The following BRD1 variants were observed in gnomAD, a reference collection of about 807,000 sequenced individuals.
BRD1 encodes bromodomain containing 1.
BRD1 carries 24 observed loss-of-function variants against 107.7 expected under a neutral mutation model. The observed-to-expected ratio is 0.22, with a 90% CI of 0.16 to 0.31. The LOEUF is 0.31. Ranked by LOEUF, BRD1 falls within the 10% of genes least tolerant of loss-of-function variation. The pLI is 1.00. For synonymous variants in BRD1, 744 were observed against 686.1 expected (o/e 1.08, Z -1.32); for missense variants, 1,279 against 1,638.6 (o/e 0.78, Z 3.79).
chr22:49,814,378 G>C (rs1245398409), intron 2 of BRD1, among the ~76,000 whole-genome samples: 1 of 152,140 alleles, frequency 6.6e-6, no homozygotes, highest in Non-Finnish European at 1.5e-5. Context: ...CATCGCTCAG[G>C]AAACACATGA....
intron 6 of BRD1, among the ~76,000 whole-genome samples, chr22:49,796,787 G>A (rs2059540733): frequency 6.6e-6 from 1 of 152,230 alleles, no homozygotes; most frequent in African/African-American, 2.4e-5. Context: ...AAGCAACGAT[G>A]GCCCAGCTTG....
At position 49,775,698 on chromosome 22, in the gene BRD1, G is replaced by C. The variant is rs144134015; in HGVS notation, c.3279C>G (p.Val1093=). ...MPRVPGHHNG[V]TIPAPPLDVL... ...CGTCCAGGGGTGGGGCCGGGATGGTGACGCCGTTGTGGTGGCCAGGCACAC... is the reference window on the plus strand; with the variant it reads ...CGTCCAGGGGTGGGGCCGGGATGGTCACGCCGTTGTGGTGGCCAGGCACAC... The change falls in exon 12 of 13, where the codon GTC becomes GTG. Residue 1093 remains valine, a synonymous_variant. Coordinates refer to ENST00000404760, the MANE Select transcript of BRD1 (RefSeq NM_001304808.3). The C allele has an allele frequency of 3.2e-4, 513 of 1,613,750 alleles. 2 individuals are homozygous for C. The African/African-American group carries it at 5.5e-3, about 17-fold the overall frequency.
rs745892251 is a variant in BRD1 at position 49,823,519 on chromosome 22, G to A, written c.799C>T (p.Arg267Trp). 8.9e-5 allele frequency: 142 copies of A among 1,601,342 alleles called. 1 individual carries two copies. Among genetic ancestry groups the A allele is most frequent in the South Asian group, 1.3e-4 (12 of 90,878 alleles). The change falls in exon 2 of 13, where the codon CGG becomes TGG. Residue 267 changes from arginine (R) to tryptophan (W), a missense_variant. By Grantham distance (101) the Arg-to-Trp change is moderately radical. Around this residue, in one of 7 missense-constraint regions of BRD1, gnomAD observed 158 missense variants for 310.2 expected, o/e 0.51. Transcript: ENST00000404760. ...LCRHCLQSRARPADCVLCPNK... is the reference protein window; with the variant it reads ...LCRHCLQSRAWPADCVLCPNK... ...GGGCACAGCACACAGTCGGCGGGCC[G>A]GGCCCGCGACTGCAGGCAGTGGCGG...
intron 6 of BRD1, among the ~76,000 whole-genome samples, chr22:49,797,337 C>T (rs1174750955): frequency 2.6e-5 from 4 of 152,230 alleles, no homozygotes; most frequent in Non-Finnish European, 4.4e-5. Flanking sequence ...TCCGGCTTCA[C>T]GCCACCCTCA....
chr22:49,810,244 C>T lies in BRD1; in HGVS notation c.1368-5884G>A, dbSNP rs867613676. On this transcript the variant is annotated intron_variant, in intron 2 of 12. Coordinates refer to ENST00000404760, the MANE Select transcript of BRD1 (RefSeq NM_001304808.3). ...CATATATAGGAAAACAGTGGCCAGA[C>T]GCGGTGACTCACACTTGTAATCCCA... is the stretch of plus-strand genomic sequence containing the variant. 4.6e-5 allele frequency among the ~76,000 whole-genome samples: 7 copies of T among 152,256 alleles called. No homozygotes were observed. In the South Asian group the frequency reaches 1.0e-3, roughly 23 times the overall value.
In BRD1 at chr22:49,798,498, C is replaced by T. The variant is rs1265989892; in HGVS notation, c.1785+60G>A. On this transcript the variant is annotated intron_variant, in intron 5 of 12. Coordinates refer to ENST00000404760, the MANE Select transcript of BRD1 (RefSeq NM_001304808.3). ...GCCAATCACACGTTTCCCGGTCAAA[C>T]GGCAGCACAAATCCACAGTCACACA... The T allele has an allele frequency of 4.3e-6, 7 of 1,613,440 alleles. No individual in the cohort carries two copies. In the East Asian group the frequency reaches 6.7e-5, roughly 15 times the overall value.
At chr22:49,778,322 A>C (rs1416515970) in intron 8 of BRD1, among the ~76,000 whole-genome samples, 7 of 152,280 alleles carry the variant, frequency 4.6e-5, no homozygotes, top group Admixed American at 4.6e-4. Flanking sequence ...ACCTTGGTTC[A>C]AAAGACAAGT....
intron 2 of BRD1, among the ~76,000 whole-genome samples, chr22:49,819,588 T>C (rs2147370622): frequency 6.6e-6 from 1 of 152,012 alleles, no homozygotes. Flanking sequence ...ATAGCTGGGA[T>C]TACAGGCGCG....
rs118133169 is a variant in BRD1, at chr22:49,824,706, G to A, written c.-14-375C>T. 40 of 1,080,854 alleles carry A rather than the reference G, an allele frequency of 3.7e-5. 1 individual carries two copies. The East Asian group carries it at 1.1e-3, about 30-fold the overall frequency. 67.0% of individuals were successfully genotyped at this position (1,080,854 alleles called of 1,614,324 possible). ...TGCAGGACTTTCCCAGCATGCAGGC[G>A]GTCCCCCAGGAAGTCCACATACAGG... On this transcript the variant is annotated intron_variant, in intron 1 of 12. Coordinates refer to ENST00000404760, the MANE Select transcript of BRD1 (RefSeq NM_001304808.3). The surrounding 1 kb of genome is among the most constrained non-coding windows in gnomAD (Gnocchi z 5.9).
rs867615983 is a variant in BRD1 at position 49,787,703 on chromosome 22, G to C, written c.2544C>G (p.Ser848Arg). The C allele has an allele frequency of 6.4e-7, 1 of 1,550,642 alleles. No individual in the cohort carries two copies. The highest frequency in any genetic ancestry group is 1.2e-5 in the South Asian group (1 of 84,068). ...CGCGGGTGGGCTCTGGAGGGCGTCC[G>C]CTTACCAGTGCGCTCTGAGTGCAAG... ...HSACTQSALV[S>R]GRPPEPTRAS... The change falls in exon 8 of 13, where the codon AGC becomes AGG. Residue 848 changes from serine (S) to arginine (R), a missense_variant. This residue lies in a region of BRD1 where 406 missense variants were observed against 519.4 expected (regional missense o/e 0.78). Transcript: ENST00000404760.
intron 6 of BRD1, among the ~76,000 whole-genome samples, chr22:49,797,312 C>G (rs984692534): frequency 2.0e-5 from 3 of 152,226 alleles, no homozygotes; most frequent in African/African-American, 7.2e-5. Flanking sequence ...GGGCTGGAGG[C>G]AAAGCCAGAG....
At chr22:49,827,002 C>A (rs1171150992) in intron 1 of BRD1, among the ~76,000 whole-genome samples, 1 of 152,134 alleles carries the variant, frequency 6.6e-6, no homozygotes, top group African/African-American at 2.4e-5. Flanking sequence ...CCAAGCCCGG[C>A]CGCCGCAGGC....
intron 8 of BRD1, among the ~76,000 whole-genome samples, chr22:49,782,866 A>C (rs1370189858): frequency 6.7e-6 from 1 of 149,896 alleles, no homozygotes; most frequent in Non-Finnish European, 1.5e-5. Context: ...GCTCCGCGAC[A>C]ATGCAGCTGG....
intron 1 of BRD1, among the ~76,000 whole-genome samples, chr22:49,825,542 G>A (rs2060137496): frequency 6.6e-6 from 1 of 152,230 alleles, no homozygotes; most frequent in Non-Finnish European, 1.5e-5. Flanking sequence ...ACCACCGCCT[G>A]CTGGGCAGTG....
In BRD1 at chr22:49,777,813, C is replaced by T. The variant is rs761604287; in HGVS notation, c.2858G>A (p.Gly953Asp). The change falls in exon 9 of 13, where the codon GGT (glycine) becomes GAT (aspartate). Residue 953 changes from glycine to aspartate, a missense_variant and splice_region_variant. Transcript: ENST00000404760. Reference sequence around the variant, plus strand: ...CGCACCCCCAAAGCCGTTGGTGAGACCTGGAACACAGGCGGGCAGGCCCTG... The same window carrying T: ...CGCACCCCCAAAGCCGTTGGTGAGATCTGGAACACAGGCGGGCAGGCCCTG... ...EESPGKRLDAGLTNGFGGARS... is the reference protein window; with the variant it reads ...EESPGKRLDADLTNGFGGARS... 1 of 1,597,116 alleles carries T rather than the reference C, an allele frequency of 6.3e-7. No homozygotes were observed. The highest frequency in any genetic ancestry group is 1.1e-5 in the South Asian group (1 of 90,092).
At chr22:49,786,652 C>G (rs894139502) in intron 8 of BRD1, among the ~76,000 whole-genome samples, 1 of 152,140 alleles carries the variant, frequency 6.6e-6, no homozygotes, top group African/African-American at 2.4e-5. Flanking sequence ...AGGCTCAACC[C>G]CAGGTCCTAG....
At chr22:49,780,973 G>A (rs2059195664) in intron 8 of BRD1, among the ~76,000 whole-genome samples, 1 of 152,240 alleles carries the variant, frequency 6.6e-6, no homozygotes, top group Non-Finnish European at 1.5e-5. Flanking sequence ...TAAATAGCAA[G>A]GGGCAACTTT....
chr22:49,794,435 G>C, intron 6 of BRD1, 141 bp from the exon 7 acceptor site: 1 of 1,090,608 alleles, frequency 9.2e-7, no homozygotes, highest in Non-Finnish European at 1.3e-6. Context: ...CTGCTCACCA[G>C]AGGCCCCTCC....
Position 49,823,499 on chromosome 22 carries a change from C to T in BRD1, c.819G>A (p.Leu273=). The T allele has an allele frequency of 1.2e-6, 2 of 1,606,290 alleles. No individual in the cohort carries two copies. The highest frequency in any genetic ancestry group is 2.2e-5 in the South Asian group (2 of 91,042). The change falls in exon 2 of 13, where the codon CTG becomes CTA. Residue 273 remains leucine (L), a synonymous_variant. Coordinates refer to ENST00000404760, the MANE Select transcript of BRD1 (RefSeq NM_001304808.3). The part of the protein sequence containing the change: ...QSRARPADCV[L]CPNKGGAFKK... ...TGAAGGCACCACCCTTGTTGGGGCA[C>T]AGCACACAGTCGGCGGGCCGGGCCC...
Sources: gnomAD v4.1 joint callset for allele counts (sites outside exome capture counted in the v4.1 genomes callset) on GRCh38, gnomAD v4.1.1 for gene constraint, gnomAD v4.1.1 regional missense constraint, Gnocchi (gnomAD v3.1) non-coding constraint, MANE v1.5 for transcripts, NCBI Gene and HGNC (gene_info 2026-07-23, HGNC 2026-07-21) for gene names.